ROBO2: variants seen among roughly 807,000 people sequenced by gnomAD.
ROBO2 encodes roundabout homolog 2.
A neutral mutation model predicts 160.8 loss-of-function variants in ROBO2; 53 were observed. The observed-to-expected ratio is 0.33, with a 90% CI of 0.26 to 0.41. ROBO2 has a LOEUF of 0.41. Among genes scored for constraint, ROBO2 ranks in the 10% least tolerant of loss-of-function variants. ROBO2 has a pLI of 1.00. For synonymous variants in ROBO2, 664 were observed against 611.7 expected, an observed-to-expected ratio of 1.09 and a Z score of -1.26; for missense variants, 1,577 against 1,722.4, an observed-to-expected ratio of 0.92 and a Z score of 1.49.
At chr3:76,634,396 C>T (rs755028703) in intron 2 of ROBO2, among the ~76,000 whole-genome samples, 1 of 152,028 alleles carries the variant, frequency 6.6e-6, no homozygotes, top group African/African-American at 2.4e-5. Flanking sequence ...GGTGAAACCC[C>T]GTCTCTACTA....
chr3:76,363,731 C>T (rs1422546832), intron 2 of ROBO2, among the ~76,000 whole-genome samples: 1 of 151,868 alleles, frequency 6.6e-6, no homozygotes, highest in Non-Finnish European at 1.5e-5. Flanking sequence ...ATCAAAGGCT[C>T]AGAATGATCT....
intron 2 of ROBO2, among the ~76,000 whole-genome samples, chr3:77,424,259 T>C (rs2077976407): frequency 6.6e-6 from 1 of 152,104 alleles, no homozygotes; most frequent in South Asian, 2.1e-4. Context: ...ACGGGTAGAA[T>C]TTGGACAGGC....
At chr3:76,987,361 G>A (rs2060438717) in intron 2 of ROBO2, among the ~76,000 whole-genome samples, 1 of 152,032 alleles carries the variant, frequency 6.6e-6, no homozygotes, top group Non-Finnish European at 1.5e-5. Context: ...TGGGGGGGAG[G>A]GAATCATGCG....
chr3:77,384,782 G>A (rs1362854081), intron 2 of ROBO2, among the ~76,000 whole-genome samples: 2 of 152,144 alleles, frequency 1.3e-5, no homozygotes, highest in Non-Finnish European at 2.9e-5. Flanking sequence ...ATTAGAATTT[G>A]TGTTAATGAG....
At chr3:76,460,042 T>C (rs2077997973) in intron 2 of ROBO2, among the ~76,000 whole-genome samples, 1 of 152,088 alleles carries the variant, frequency 6.6e-6, no homozygotes, top group Non-Finnish European at 1.5e-5. Flanking sequence ...ATTTTTTTCT[T>C]AACACAAAGG....
At chr3:77,400,772 G>A (rs1037067240) in intron 2 of ROBO2, among the ~76,000 whole-genome samples, 1 of 152,102 alleles carries the variant, frequency 6.6e-6, no homozygotes, top group African/African-American at 2.4e-5. Flanking sequence ...CATGAGGTAG[G>A]TATTAAGATC....
chr3:76,918,952 G>A (rs1271896006), intron 2 of ROBO2, among the ~76,000 whole-genome samples: 1 of 141,704 alleles, frequency 7.1e-6, no homozygotes, highest in Non-Finnish European at 1.5e-5. Context: ...GCTTGTGTTG[G>A]CCACATGTAT....
chr3:76,131,583 A>G (rs767634756), intron 2 of ROBO2, among the ~76,000 whole-genome samples: 20 of 152,126 alleles, frequency 1.3e-4, no homozygotes, highest in Non-Finnish European at 2.6e-4. Flanking sequence ...TTCCTTGGGC[A>G]GGAATCAACT....
At chr3:76,951,096 A>G (rs1430020608) in intron 2 of ROBO2, among the ~76,000 whole-genome samples, 1 of 152,156 alleles carries the variant, frequency 6.6e-6, no homozygotes, top group Non-Finnish European at 1.5e-5. Flanking sequence ...TTCTTTCATA[A>G]TACAATTTTC....
intron 2 of ROBO2, among the ~76,000 whole-genome samples, chr3:76,249,763 TGAGA>T (rs1576093941): frequency 6.6e-6 from 1 of 152,192 alleles, no homozygotes; most frequent in Non-Finnish European, 1.5e-5. Context: ...ACAAATGGAA[TGAGA>T]GAGAGGAATA....
intron 2 of ROBO2, among the ~76,000 whole-genome samples, chr3:76,965,983 C>T (rs539032134): frequency 2.9e-5 from 4 of 139,154 alleles, no homozygotes; most frequent in South Asian, 2.2e-4. Flanking sequence ...AGTGCAATGG[C>T]GCGATCTTGG....
chr3:77,570,325 C>A (rs1431875850), intron 13 of ROBO2, among the ~76,000 whole-genome samples: 1 of 151,928 alleles, frequency 6.6e-6, no homozygotes, highest in Non-Finnish European at 1.5e-5. Flanking sequence ...ACTGGGAGTT[C>A]TTCCAGGAGG....
intron 2 of ROBO2, among the ~76,000 whole-genome samples, chr3:76,548,405 G>A (rs2083231353): frequency 2.0e-5 from 3 of 152,084 alleles, no homozygotes; most frequent in Non-Finnish European, 4.4e-5. Context: ...AGAGATCAGG[G>A]GTTGGAATAC....
Position 76,531,620 on chromosome 3 carries a change from C to CTTT in ROBO2, c.110-566379_110-566377dup, listed in dbSNP as rs74266991. Reference sequence around the variant, plus strand: ...TTGTTTTGTTTTGTTTGTACAGTTTCTTTTTTTTTTTTTTTTTGGTACCCT... The same window carrying CTTT: ...TTGTTTTGTTTTGTTTGTACAGTTTCTTTTTTTTTTTTTTTTTTTTGGTACCCT... On this transcript the variant is annotated intron_variant, in intron 2 of 26. Transcript: ENST00000487694. Among the ~76,000 whole-genome samples the CTTT allele has an allele frequency of 9.2e-3, 1,121 of 121,788 alleles. 10 individuals carry two copies. Among genetic ancestry groups the CTTT allele is most frequent in the South Asian group, 0.031 (115 of 3,712 alleles). 79.9% of individuals were successfully genotyped at this position (121,788 alleles called of 152,430 possible).
At chr3:76,460,715 A>G (rs1403724961) in intron 2 of ROBO2, among the ~76,000 whole-genome samples, 3 of 152,188 alleles carry the variant, frequency 2.0e-5, no homozygotes, top group Non-Finnish European at 4.4e-5. Flanking sequence ...TCTTGACTTC[A>G]TAAGAGACTC....
rs192565078 is a variant in ROBO2 at position 76,125,749 on chromosome 3, T to G, written c.109+188147T>G. 1.4e-3 allele frequency among the ~76,000 whole-genome samples: 216 copies of G among 152,230 alleles called. 1 individual carries two copies. Among genetic ancestry groups the G allele is most frequent in the African/African-American group, 5.0e-3 (209 of 41,568 alleles). ...AACAGATTCTGATTTTTCTCCCTCA[T>G]AAGCTTAGGTGTTCAATTAAACTAA... On this transcript the variant is annotated intron_variant, in intron 2 of 26. Transcript: ENST00000487694.
chr3:77,449,271 C>T (rs989178419), intron 2 of ROBO2, among the ~76,000 whole-genome samples: 2 of 151,868 alleles, frequency 1.3e-5, no homozygotes, highest in East Asian at 3.9e-4. Context: ...AATGGTCATT[C>T]GGGTCATGAA....
At chr3:76,805,551 GTA>G (rs1344785559) in intron 2 of ROBO2, among the ~76,000 whole-genome samples, 2 of 151,704 alleles carry the variant, frequency 1.3e-5, no homozygotes, top group Non-Finnish European at 2.9e-5. Flanking sequence ...TTCAACAAAT[GTA>G]TATATTTCAT....
At chr3:76,542,174 T>A (rs1368362229) in intron 2 of ROBO2, among the ~76,000 whole-genome samples, 1 of 152,166 alleles carries the variant, frequency 6.6e-6, no homozygotes, top group Non-Finnish European at 1.5e-5. Context: ...TCTACAGGCA[T>A]GTTTAGGTGC....
Sources: gnomAD v4.1 joint callset for allele counts (sites outside exome capture counted in the v4.1 genomes callset) on GRCh38, gnomAD v4.1.1 for gene constraint, MANE v1.5 for transcripts, NCBI Gene and HGNC (gene_info 2026-07-23, HGNC 2026-07-21) for gene names.